HAUS6: variants seen among roughly 807,000 people sequenced by gnomAD.
The protein encoded by HAUS6 is HAUS augmin like complex subunit 6.
In HAUS6, 80 loss-of-function variants were observed where a neutral mutation model predicts 106.8. That is an observed-to-expected ratio of 0.75 (90% CI 0.63 to 0.90). The LOEUF is 0.90. Ranked by LOEUF, HAUS6 falls within the 40% of genes least tolerant of loss-of-function variation. The probability of loss-of-function intolerance (pLI) is 0.00; values close to 1 mark genes in which losing one functional copy is unlikely to be tolerated. For missense variants in HAUS6, 1,155 were observed against 1,118.1 expected, an observed-to-expected ratio of 1.03 and a Z score of -0.47; for synonymous variants, 356 against 379.1, an observed-to-expected ratio of 0.94 and a Z score of 0.71.
At chr9:19,062,819 C>A (rs1836657170) in intron 14 of HAUS6, among the ~76,000 whole-genome samples, 189 bp downstream of exon 14, 1 of 152,108 alleles carries the variant, frequency 6.6e-6, no homozygotes, top group Admixed American at 6.6e-5. Flanking sequence ...AGACACGCCC[C>A]CATGCTCAAC....
At chr9:19,076,762 C>A in intron 10 of HAUS6, 58 bp from the exon 11 acceptor site, 1 of 771,422 alleles carries the variant, frequency 1.3e-6, no homozygotes, top group South Asian at 1.4e-5. Flanking sequence ...ACCACAATAA[C>A]AATACTGAGT....
chr9:19,062,197 G>A lies in HAUS6; in HGVS notation c.1629+811C>T, dbSNP rs150803543. 1.5e-4 allele frequency among the ~76,000 whole-genome samples: 23 copies of A among 152,238 alleles called. No homozygotes were observed. In the South Asian group the frequency reaches 3.3e-3, roughly 22 times the overall value. ...GGAGGGGGCTGGTTAGGAAAATCAAGTTCATGAACAACAATGCATCTAATC... is the reference window on the plus strand; with the variant it reads ...GGAGGGGGCTGGTTAGGAAAATCAAATTCATGAACAACAATGCATCTAATC... On this transcript the variant is annotated intron_variant, in intron 14 of 16. Transcript: ENST00000380502.
rs373004352 is a variant in HAUS6, at chr9:19,102,803, T to C, written c.-152A>G. Reference sequence around the variant, plus strand: ...CTTTCACGCCCAGAGCGATTTCGCCTCAAAGGGCCTCACAACCTCCGGGAA... The same window carrying C: ...CTTTCACGCCCAGAGCGATTTCGCCCCAAAGGGCCTCACAACCTCCGGGAA... On this transcript the variant is annotated 5_prime_UTR_variant, in exon 1 of 17. Coordinates refer to ENST00000380502, the MANE Select transcript of HAUS6 (RefSeq NM_017645.5). 10 of 668,488 alleles carry C rather than the reference T, an allele frequency of 1.5e-5. No individual in the cohort carries two copies. Among genetic ancestry groups the C allele is most frequent in the Admixed American group, 3.4e-5 (1 of 29,424 alleles). 41.4% of individuals were successfully genotyped at this position (668,488 alleles called of 1,614,324 possible). A position where few individuals can be genotyped will look rare whatever the true frequency, so the allele number is the denominator to read the frequency against.
chr9:19,100,899 T>C (rs998813046), intron 1 of HAUS6, among the ~76,000 whole-genome samples: 2 of 151,354 alleles, frequency 1.3e-5, no homozygotes, highest in Non-Finnish European at 1.5e-5. Context: ...CTCATGGAGG[T>C]AGGGAGTAGA....
chr9:19,071,971 A>C (rs1836889748), intron 11 of HAUS6, among the ~76,000 whole-genome samples: 1 of 152,176 alleles, frequency 6.6e-6, no homozygotes, highest in South Asian at 2.1e-4. Context: ...TGGGAGGCCA[A>C]GGTGGGCGGA....
chr9:19,088,324 G>C (rs1817669624), intron 5 of HAUS6, among the ~76,000 whole-genome samples: 1 of 151,838 alleles, frequency 6.6e-6, no homozygotes, highest in South Asian at 2.1e-4. Context: ...GCTGAGGCAG[G>C]AGAATTGCTT....
chr9:19,069,136 T>C (rs143877562), intron 12 of HAUS6, among the ~76,000 whole-genome samples: 199 of 152,220 alleles, frequency 1.3e-3, no homozygotes, highest in Non-Finnish European at 2.5e-3. Context: ...CAGCACCAAA[T>C]GGCACTATAG....
intron 14 of HAUS6, among the ~76,000 whole-genome samples, chr9:19,062,384 T>C (rs867911463): frequency 3.3e-5 from 5 of 152,226 alleles, no homozygotes; most frequent in Non-Finnish European, 7.3e-5. Context: ...ACTGGGTACA[T>C]TTATCTAACC....
chr9:19,057,807 C>T, intron 16 of HAUS6, 154 bp downstream of exon 16: 2 of 561,228 alleles, frequency 3.6e-6, no homozygotes, highest in Non-Finnish European at 3.2e-6. Context: ...CTGAAAGGAC[C>T]TGTCCAGTGA....
intron 8 of HAUS6, among the ~76,000 whole-genome samples, chr9:19,082,500 G>A (rs1469949602): frequency 1.3e-5 from 2 of 152,156 alleles, no homozygotes; most frequent in East Asian, 1.9e-4. Context: ...TGTAATCCCA[G>A]CACTTTGGGA....
chr9:19,070,447 A>C (rs1331645859), intron 11 of HAUS6, 147 bp from the exon 12 acceptor site: 1 of 610,054 alleles, frequency 1.6e-6, no homozygotes, highest in African/African-American at 1.9e-5. Context: ...TAATTATTCA[A>C]TTGATAAGTA....
chr9:19,071,573 CTT>C (rs34684530), intron 11 of HAUS6, among the ~76,000 whole-genome samples: 90 of 109,368 alleles, frequency 8.2e-4, no homozygotes, highest in Admixed American at 9.8e-4. Context: ...AAAATATTTT[CTT>C]TTTTTTTTTT....
At chr9:19,072,869 A>C (rs1186036631) in intron 11 of HAUS6, among the ~76,000 whole-genome samples, 1 of 152,194 alleles carries the variant, frequency 6.6e-6, no homozygotes, top group Non-Finnish European at 1.5e-5. Flanking sequence ...AAAGACAGGC[A>C]TTATTCTAGA....
At chr9:19,100,098 G>A (rs1266381291) in intron 1 of HAUS6, among the ~76,000 whole-genome samples, 4 of 152,326 alleles carry the variant, frequency 2.6e-5, no homozygotes, top group South Asian at 4.1e-4. Flanking sequence ...AGGAGGCTGA[G>A]GCAGAGAATT....
intron 11 of HAUS6, among the ~76,000 whole-genome samples, chr9:19,074,822 C>T (rs10963938): frequency 0.38 from 57,422 of 151,996 alleles, 11,721 homozygotes; most frequent in Non-Finnish European, 0.45. Flanking sequence ...CCTTATCTAT[C>T]CTCTATTTAC....
At chr9:19,063,663 TG>T in intron 12 of HAUS6, 83 bp from the exon 13 acceptor site, 1 of 939,514 alleles carries the variant, frequency 1.1e-6, no homozygotes, top group Non-Finnish European at 1.8e-6. Flanking sequence ...AAAATCTGTC[TG>T]CCCCGTATCT....
chr9:19,076,395 G>A (rs925377155), intron 11 of HAUS6, among the ~76,000 whole-genome samples: 7 of 152,032 alleles, frequency 4.6e-5, no homozygotes, highest in South Asian at 2.1e-4. Context: ...AGATAGTGAT[G>A]ATGACTGCAC....
intron 1 of HAUS6, 139 bp downstream of exon 1, chr9:19,102,385 G>C: frequency 4.3e-6 from 4 of 930,802 alleles, no homozygotes; most frequent in Non-Finnish European, 4.9e-6. Flanking sequence ...CTGGGAGTAG[G>C]AACTTTGGAG....
In HAUS6 at chr9:19,086,761, G is replaced by T; in HGVS notation, c.672C>A (p.His224Gln). ...QIKKMEPYDD[H>Q]SNMEEKIQKV... ...TTTGAATTTTTTCTTCCATATTACT[G>T]TGGTCATCATAGGGTTCCATTCTAA... The change falls in exon 7 of 17, where the codon CAC becomes CAA. Residue 224 changes from histidine to glutamine, a missense_variant. By Grantham distance (24) the His-to-Gln change is conservative. This residue lies in a region of HAUS6 where 761 missense variants were observed against 690.0 expected (regional missense o/e 1.10). Coordinates refer to ENST00000380502, the MANE Select transcript of HAUS6 (RefSeq NM_017645.5). The T allele has an allele frequency of 1.6e-6, 2 of 1,226,386 alleles. No individual in the cohort carries two copies. The highest frequency in any genetic ancestry group is 2.4e-6 in the Non-Finnish European group (2 of 842,612). 76.0% of individuals were successfully genotyped at this position (1,226,386 alleles called of 1,614,324 possible).
Sources: allele counts gnomAD v4.1 joint callset (sites outside exome capture counted in the v4.1 genomes callset), GRCh38; gene constraint gnomAD v4.1.1; regional missense constraint gnomAD v4.1.1; transcripts MANE v1.5; gene names NCBI Gene and HGNC (gene_info 2026-07-23, HGNC 2026-07-21).